Variants in CHL1 observed in about 807,000 individuals in gnomAD.
The protein encoded by CHL1 is cell adhesion molecule L1 like.
Under a neutral mutation model 141.9 loss-of-function variants are expected in CHL1, and 96 were observed. That is an observed-to-expected ratio of 0.68 (90% confidence interval 0.57 to 0.80). The LOEUF is 0.80. Ranked by LOEUF, CHL1 falls within the 30% of genes least tolerant of loss-of-function variation. The probability of loss-of-function intolerance (pLI) is 0.00; values close to 1 mark genes in which losing one functional copy is unlikely to be tolerated. For synonymous variants in CHL1, 613 were observed against 502.2 expected (o/e 1.22, Z -2.95); for missense variants, 1,820 against 1,457.2 (o/e 1.25, Z -4.05).
intron 2 of CHL1, among the ~76,000 whole-genome samples, chr3:302,997 G>A (rs925535081): frequency 1.9e-4 from 29 of 152,214 alleles, no homozygotes; most frequent in African/African-American, 6.5e-4. Context: ...ATTAAATAGG[G>A]AATCTTTTTC....
intron 10 of CHL1, among the ~76,000 whole-genome samples, chr3:353,260 T>G (rs910089558): frequency 6.6e-6 from 1 of 152,212 alleles, no homozygotes; most frequent in Non-Finnish European, 1.5e-5. Context: ...AATTTTCTAT[T>G]ATAAATATGA....
At chr3:285,581 C>T (rs573678298) in intron 2 of CHL1, among the ~76,000 whole-genome samples, 28 of 152,278 alleles carry the variant, frequency 1.8e-4, no homozygotes, top group Admixed American at 1.7e-3. Context: ...AGCCTGACTC[C>T]TCCCCAGCTG....
In CHL1 at chr3:333,345, G is replaced by T. The variant is rs373299106; in HGVS notation, c.385+4991G>T. ...CTTTAATCGATTCTTCTCTTAAACT[G>T]TAGAGAATTGGTTCTTCTCAAAGAT... On this transcript the variant is annotated intron_variant, in intron 5 of 27. Transcript: ENST00000256509. Among the ~76,000 whole-genome samples the T allele has an allele frequency of 2.7e-4, 41 of 151,998 alleles. 1 individual carries two copies. The East Asian group carries it at 4.3e-3, about 16-fold the overall frequency.
At chr3:221,098 C>A (rs1322788330) in intron 1 of CHL1, among the ~76,000 whole-genome samples, 2 of 152,136 alleles carry the variant, frequency 1.3e-5, no homozygotes, top group African/African-American at 2.4e-5. Context: ...CCACACTCAC[C>A]CACTTTGAGT....
At chr3:405,232 C>T (rs191433543) in intron 27 of CHL1, among the ~76,000 whole-genome samples, 5 of 152,198 alleles carry the variant, frequency 3.3e-5, no homozygotes, top group South Asian at 2.1e-4. Flanking sequence ...CTAAGCTGCT[C>T]AATTTTAAAG....
intron 2 of CHL1, among the ~76,000 whole-genome samples, chr3:317,951 G>C (rs1433727054): frequency 2.0e-5 from 3 of 151,790 alleles, no homozygotes; most frequent in Non-Finnish European, 4.4e-5. Flanking sequence ...ACAAGTATAA[G>C]TTATTTGTCA....
intron 16 of CHL1, among the ~76,000 whole-genome samples, chr3:379,445 CA>C (rs1706751544): frequency 6.6e-6 from 1 of 151,972 alleles, no homozygotes. Context: ...AGGATGATTT[CA>C]ACAATAATTC....
At chr3:337,877 G>GGTAT (rs753789599) in intron 5 of CHL1, among the ~76,000 whole-genome samples, 9 of 152,014 alleles carry the variant, frequency 5.9e-5, no homozygotes, top group Non-Finnish European at 8.8e-5. Flanking sequence ...TAATCCTTTG[G>GGTAT]GTATATACCC....
chr3:389,166 T>G, intron 19 of CHL1, 86 bp from the exon 20 acceptor site: 1 of 1,000,530 alleles, frequency 1.0e-6, no homozygotes, highest in Non-Finnish European at 1.5e-6. Flanking sequence ...ATTACATTGT[T>G]CCTTATTCCA....
chr3:292,199 C>T (rs1276785352), intron 2 of CHL1, among the ~76,000 whole-genome samples: 5 of 152,156 alleles, frequency 3.3e-5, no homozygotes, highest in South Asian at 2.1e-4. Context: ...AAATGGTAGA[C>T]GTATTGTTTT....
At chr3:386,061 A>G (rs977432512) in intron 19 of CHL1, among the ~76,000 whole-genome samples, 4 of 152,078 alleles carry the variant, frequency 2.6e-5, no homozygotes, top group Non-Finnish European at 1.5e-5. Context: ...ATGGTTCTGT[A>G]TGGATCATCC....
At chr3:201,776 C>G (rs1043975011) in intron 1 of CHL1, among the ~76,000 whole-genome samples, 1 of 152,038 alleles carries the variant, frequency 6.6e-6, no homozygotes, top group African/African-American at 2.4e-5. Flanking sequence ...TAACATTCTC[C>G]CTTCTAATGT....
chr3:290,558 C>T (rs1358661514), intron 2 of CHL1, among the ~76,000 whole-genome samples: 2 of 152,094 alleles, frequency 1.3e-5, no homozygotes, highest in Non-Finnish European at 2.9e-5. Context: ...ATGACAAATT[C>T]TAATTAGTCA....
At chr3:203,181 C>G (rs1699107319) in intron 1 of CHL1, among the ~76,000 whole-genome samples, 1 of 152,204 alleles carries the variant, frequency 6.6e-6, no homozygotes, top group African/African-American at 2.4e-5. Context: ...GCACCATAGT[C>G]TATATAGGAG....
At chr3:254,660 G>C (rs1693995808) in intron 2 of CHL1, among the ~76,000 whole-genome samples, 1 of 152,138 alleles carries the variant, frequency 6.6e-6, no homozygotes, top group Non-Finnish European at 1.5e-5. Context: ...CACAGTTCTG[G>C]AGGTTGGAAA....
chr3:265,496 A>C (rs1001716406), intron 2 of CHL1, among the ~76,000 whole-genome samples: 1 of 152,246 alleles, frequency 6.6e-6, no homozygotes, highest in Non-Finnish European at 1.5e-5. Flanking sequence ...TGAAGTTCAC[A>C]CTAACCTTTT....
rs781509058 is a variant in CHL1 at position 394,886 on chromosome 3, G to T, written c.3094+14G>T. 7.6e-6 allele frequency: 12 copies of T among 1,577,370 alleles called. No homozygotes were observed. The highest frequency in any genetic ancestry group is 2.8e-5 in the African/African-American group (2 of 72,564). On this transcript the variant is annotated intron_variant, in intron 24 of 27. Transcript: ENST00000256509. ...TAGGAGAAGGGAGTAAGTACATGAGGCTTCTCTTTTTAATAGAGGCTTTAA... is the reference window on the plus strand; with the variant it reads ...TAGGAGAAGGGAGTAAGTACATGAGTCTTCTCTTTTTAATAGAGGCTTTAA...
At chr3:307,483 C>T (rs541578002) in intron 2 of CHL1, among the ~76,000 whole-genome samples, 2 of 152,252 alleles carry the variant, frequency 1.3e-5, no homozygotes, top group South Asian at 4.1e-4. Context: ...GCTACATTTT[C>T]GATTGGAGTC....
chr3:338,714 G>A (rs534744754), intron 5 of CHL1, among the ~76,000 whole-genome samples: 5 of 152,288 alleles, frequency 3.3e-5, no homozygotes, highest in African/African-American at 1.2e-4. Context: ...CTGTTCTGAA[G>A]ATTTATGGCA....
Sources: gnomAD v4.1 joint callset for allele counts (sites outside exome capture counted in the v4.1 genomes callset) on GRCh38, gnomAD v4.1.1 for gene constraint, MANE v1.5 for transcripts, NCBI Gene and HGNC (gene_info 2026-07-23, HGNC 2026-07-21) for gene names.